The following AUTS2 variants were observed in gnomAD, a reference collection of about 807,000 sequenced individuals.
AUTS2 encodes activator of transcription and developmental regulator AUTS2.
AUTS2 carries 17 observed loss-of-function variants against 112.4 expected under a neutral mutation model. That is an observed-to-expected ratio of 0.15 (90% CI 0.10 to 0.23). The LOEUF (loss-of-function observed/expected upper bound fraction) is 0.23, where lower values mean the gene tolerates loss of function less well. Ranked by LOEUF, AUTS2 falls within the 10% of genes least tolerant of loss-of-function variation. The pLI is 1.00. For synonymous variants in AUTS2, 751 were observed against 702.7 expected, an observed-to-expected ratio of 1.07 and a Z score of -1.09; for missense variants, 1,510 against 1,701.6, an observed-to-expected ratio of 0.89 and a Z score of 1.98.
At chr7:70,784,893 C>A in intron 15 of AUTS2, 49 bp from the exon 16 acceptor site, 1 of 1,577,988 alleles carries the variant, frequency 6.3e-7, no homozygotes, top group Non-Finnish European at 8.7e-7. Context: ...GTTGCATCTT[C>A]GAAGTTGGCT....
At chr7:69,702,908 T>G (rs945916815) in intron 1 of AUTS2, among the ~76,000 whole-genome samples, 3 of 152,214 alleles carry the variant, frequency 2.0e-5, no homozygotes, top group Non-Finnish European at 4.4e-5. Context: ...ATTTCACTTA[T>G]GTAGGCACAG....
At chr7:70,559,892 G>A (rs1384853487) in intron 5 of AUTS2, among the ~76,000 whole-genome samples, 1 of 152,072 alleles carries the variant, frequency 6.6e-6, no homozygotes, top group Non-Finnish European at 1.5e-5. Context: ...CAAACCATTA[G>A]CTGCAAAGAG....
chr7:70,174,006 C>T (rs953651490), intron 4 of AUTS2, among the ~76,000 whole-genome samples: 7 of 152,126 alleles, frequency 4.6e-5, no homozygotes, highest in African/African-American at 1.7e-4. Context: ...TTGAATAAAT[C>T]AAACTCTAGA....
intron 2 of AUTS2, among the ~76,000 whole-genome samples, chr7:69,939,605 A>C (rs1796545033): frequency 6.6e-6 from 1 of 152,188 alleles, no homozygotes; most frequent in Non-Finnish European, 1.5e-5. Context: ...AACACCTCTG[A>C]GTTGATGAAT....
At chr7:69,729,220 CT>C (rs1221034344) in intron 1 of AUTS2, among the ~76,000 whole-genome samples, 1 of 152,054 alleles carries the variant, frequency 6.6e-6, no homozygotes, top group African/African-American at 2.4e-5. Context: ...TATGTATGCT[CT>C]TTCAAGGCAG....
At chr7:70,167,138 A>G (rs1808425112) in intron 4 of AUTS2, among the ~76,000 whole-genome samples, 1 of 152,164 alleles carries the variant, frequency 6.6e-6, no homozygotes, top group Non-Finnish European at 1.5e-5. Context: ...AGGCAGGGGA[A>G]TCACTTGAAC....
rs79156958 is a variant in AUTS2, at chr7:70,662,191, A to T, written c.691-36378A>T. ...CTGCATTATTCTCCCAGCCCACTGC[A>T]GAATGCCTTCTGCCCATTGCACAGT... On this transcript the variant is annotated intron_variant, in intron 5 of 18. Transcript: ENST00000342771. Among the ~76,000 whole-genome samples the T allele has an allele frequency of 6.3e-3, 967 of 152,376 alleles. 38 individuals carry two copies. The East Asian group carries it at 0.07, about 11-fold the overall frequency.
intron 5 of AUTS2, among the ~76,000 whole-genome samples, chr7:70,676,599 G>A (rs572338325): frequency 8.6e-5 from 13 of 151,870 alleles, no homozygotes; most frequent in Non-Finnish European, 1.5e-4. Flanking sequence ...CTTTCTGGCC[G>A]GGTGCGCTGG....
At chr7:70,085,120 T>C (rs1803528028) in intron 2 of AUTS2, among the ~76,000 whole-genome samples, 2 of 152,152 alleles carry the variant, frequency 1.3e-5, no homozygotes, top group Middle Eastern at 3.2e-3. Context: ...CAATCAATCC[T>C]CCTGCCTCAG....
intron 1 of AUTS2, among the ~76,000 whole-genome samples, chr7:69,867,855 T>TA (rs1430679651): frequency 6.6e-6 from 1 of 152,094 alleles, no homozygotes; most frequent in Admixed American, 6.6e-5. Context: ...AATTAGCAAA[T>TA]AAAAATACAG....
intron 4 of AUTS2, among the ~76,000 whole-genome samples, chr7:70,246,869 G>A (rs950783287): frequency 3.3e-5 from 5 of 151,156 alleles, no homozygotes; most frequent in African/African-American, 4.9e-5. Context: ...TTCTCCTTCC[G>A]GAAAATTTTA....
At chr7:69,977,114 A>G (rs949643759) in intron 2 of AUTS2, among the ~76,000 whole-genome samples, 3 of 152,066 alleles carry the variant, frequency 2.0e-5, no homozygotes, top group Non-Finnish European at 4.4e-5. Flanking sequence ...ATGTTGAGTT[A>G]ATTTTTGTAT....
intron 2 of AUTS2, among the ~76,000 whole-genome samples, chr7:70,014,904 G>T (rs1799961665): frequency 6.6e-6 from 1 of 152,220 alleles, no homozygotes; most frequent in Non-Finnish European, 1.5e-5. Context: ...CAGACAAGCT[G>T]CTTGTTATGT....
At chr7:70,481,713 G>A (rs1244528725) in intron 5 of AUTS2, among the ~76,000 whole-genome samples, 2 of 152,190 alleles carry the variant, frequency 1.3e-5, no homozygotes, top group Non-Finnish European at 1.5e-5. Flanking sequence ...TCTGGGCTGG[G>A]GAATCTAATA....
chr7:70,598,241 C>T (rs558139646), intron 5 of AUTS2, among the ~76,000 whole-genome samples: 1 of 152,108 alleles, frequency 6.6e-6, no homozygotes, highest in South Asian at 2.1e-4. Context: ...TTTGTCATTG[C>T]TACCATGAAA....
chr7:69,779,782 T>A (rs1250827690), intron 1 of AUTS2, among the ~76,000 whole-genome samples: 10 of 148,686 alleles, frequency 6.7e-5, no homozygotes, highest in East Asian at 2.0e-4. Flanking sequence ...AAAAAAAAAT[T>A]AAAAAAAAAT....
At chr7:70,241,394 GATTTT>G (rs758144550) in intron 4 of AUTS2, among the ~76,000 whole-genome samples, 9 of 152,060 alleles carry the variant, frequency 5.9e-5, no homozygotes, top group Non-Finnish European at 1.0e-4. Context: ...CAATATAAAA[GATTTT>G]AATTTTAGCC....
chr7:69,969,520 C>G (rs917977907), intron 2 of AUTS2, among the ~76,000 whole-genome samples: 8 of 152,180 alleles, frequency 5.3e-5, no homozygotes, highest in Non-Finnish European at 8.8e-5. Context: ...CTCTGCAGAA[C>G]TTTTGTTCTT....
At chr7:70,297,615 T>C (rs1334757079) in intron 4 of AUTS2, among the ~76,000 whole-genome samples, 1 of 151,364 alleles carries the variant, frequency 6.6e-6, no homozygotes, top group African/African-American at 2.4e-5. Flanking sequence ...TTTATATTTG[T>C]AGTAGAGATG....
Sources: allele counts gnomAD v4.1 joint callset (sites outside exome capture counted in the v4.1 genomes callset), GRCh38; gene constraint gnomAD v4.1.1; transcripts MANE v1.5; gene names NCBI Gene and HGNC (gene_info 2026-07-23, HGNC 2026-07-21).